Variants in DNAH9 observed in about 807,000 individuals in gnomAD.
The protein encoded by DNAH9 is DNAH9 variant protein.
DNAH9 carries 345 observed loss-of-function variants against 471.6 expected under a neutral mutation model. The observed-to-expected ratio is 0.73, with a 90% CI of 0.67 to 0.80. The LOEUF (loss-of-function observed/expected upper bound fraction) is 0.80. Ranked by LOEUF, DNAH9 falls within the 30% of genes least tolerant of loss-of-function variation. DNAH9 has a pLI of 0.00. For missense variants in DNAH9, 5,407 were observed against 5,609.2 expected (o/e 0.96, Z 1.15); for synonymous variants, 2,093 against 2,123.6 (o/e 0.99, Z 0.40).
chr17:11,635,120 A>G (rs1041344988), intron 8 of DNAH9, among the ~76,000 whole-genome samples: 1 of 152,096 alleles, frequency 6.6e-6, no homozygotes, highest in Non-Finnish European at 1.5e-5. Context: ...GACTATGGGT[A>G]CATGTGTTTT....
At chr17:11,919,824 G>A (rs907428922) in intron 61 of DNAH9, among the ~76,000 whole-genome samples, 4 of 152,050 alleles carry the variant, frequency 2.6e-5, no homozygotes, top group Non-Finnish European at 4.4e-5. Flanking sequence ...AGAAAAAAAC[G>A]AAGGGACCAA....
intron 29 of DNAH9, among the ~76,000 whole-genome samples, chr17:11,741,393 A>C (rs1460489425): frequency 2.0e-5 from 3 of 152,198 alleles, no homozygotes; most frequent in Non-Finnish European, 4.4e-5. Flanking sequence ...AGGTTGGTGC[A>C]AACATAATTG....
At chr17:11,871,347 C>T (rs1486103604) in intron 51 of DNAH9, among the ~76,000 whole-genome samples, 2 of 152,222 alleles carry the variant, frequency 1.3e-5, no homozygotes, top group Non-Finnish European at 2.9e-5. Context: ...AGTCTCCACA[C>T]ACAGAAAGAG....
intron 20 of DNAH9, among the ~76,000 whole-genome samples, chr17:11,690,716 TA>T (rs57232628): frequency 0.013 from 2,007 of 151,122 alleles, 40 homozygotes; most frequent in African/African-American, 0.046. Flanking sequence ...TAAGAAAGAT[TA>T]AAAAAAAATA....
At chr17:11,808,631 T>C (rs1332533324) in intron 44 of DNAH9, among the ~76,000 whole-genome samples, 4 of 152,158 alleles carry the variant, frequency 2.6e-5, no homozygotes, top group African/African-American at 4.8e-5. Flanking sequence ...AGGTCATACA[T>C]CAAGTTCGTA....
rs1322514633 is a variant in DNAH9 at position 11,775,870 on chromosome 17, G to A, written c.7553-5139G>A. Among the ~76,000 whole-genome samples, 4 of 152,100 alleles carry A rather than the reference G, an allele frequency of 2.6e-5. No individual in the cohort carries two copies. In the South Asian group the frequency reaches 8.3e-4, roughly 32 times the overall value. On this transcript the variant is annotated intron_variant, in intron 38 of 68. Transcript: ENST00000262442. ...GGCTCCCAAAGTGCTGGGATTATAG[G>A]CGTGAGCCACCGCGCCGGGCCAATC...
intron 67 of DNAH9, among the ~76,000 whole-genome samples, chr17:11,960,244 T>A (rs991757291): frequency 6.6e-6 from 1 of 151,876 alleles, no homozygotes; most frequent in African/African-American, 2.4e-5. Flanking sequence ...GAGACCAGCA[T>A]GGCCAACATG....
At chr17:11,837,984 A>T (rs553985114) in intron 49 of DNAH9, among the ~76,000 whole-genome samples, 1 of 152,230 alleles carries the variant, frequency 6.6e-6, no homozygotes, top group African/African-American at 2.4e-5. Flanking sequence ...CCTCATCAGG[A>T]AGCAAATAAT....
intron 52 of DNAH9, chr17:11,873,521 T>G (rs1972359140): frequency 6.6e-6 from 1 of 152,144 alleles, no homozygotes; most frequent in African/African-American, 2.4e-5. Context: ...TGGGAGATGG[T>G]TTGGAGAGGT....
rs1347547630 is a variant in DNAH9, at chr17:11,894,285, G to A, written c.11284-89G>A. On this transcript the variant is annotated intron_variant, in intron 58 of 68. Transcript: ENST00000262442. ...GATGGGCAAACTAGTATTAGAGGCAGTAATAATTATACTGAGTGACAACCC... is the reference window on the plus strand; with the variant it reads ...GATGGGCAAACTAGTATTAGAGGCAATAATAATTATACTGAGTGACAACCC... The A allele has an allele frequency of 2.3e-5, 35 of 1,539,372 alleles. No individual in the cohort carries two copies. In the Admixed American group the frequency reaches 5.0e-4, roughly 22 times the overall value.
At chr17:11,680,200 T>C (rs2074110734) in intron 18 of DNAH9, among the ~76,000 whole-genome samples, 1 of 151,270 alleles carries the variant, frequency 6.6e-6, no homozygotes, top group Non-Finnish European at 1.5e-5. Context: ...AGAATTAAGA[T>C]GGATAATTTT....
chr17:11,899,997 C>A (rs1973352676), intron 59 of DNAH9, among the ~76,000 whole-genome samples: 1 of 152,072 alleles, frequency 6.6e-6, no homozygotes, highest in African/African-American at 2.4e-5. Flanking sequence ...CATAGGAGCC[C>A]CCCAGGAAGG....
Position 11,608,203 on chromosome 17 carries a change from G to C in DNAH9, c.492G>C (p.Arg164=). ...ACATGATATGTGAGGATGTCAGGCG[G>C]CACGCCCACAGCCTCCAATGTGACC... is the stretch of plus-strand genomic sequence containing the variant. The part of the protein sequence containing the change: ...WPHMICEDVR[R]HAHSLQCDLS... The change falls in exon 2 of 69, where the codon CGG becomes CGC. Residue 164 remains arginine, a synonymous_variant. Coordinates refer to ENST00000262442, the MANE Select transcript of DNAH9 (RefSeq NM_001372.4). 1 of 1,613,884 alleles carries C rather than the reference G, an allele frequency of 6.2e-7. No individual in the cohort carries two copies. Among genetic ancestry groups the C allele is most frequent in the Non-Finnish European group, 8.5e-7 (1 of 1,179,818 alleles).
intron 6 of DNAH9, chr17:11,620,012 A>C: frequency 1.9e-6 from 1 of 521,974 alleles, no homozygotes; most frequent in Non-Finnish European, 3.4e-6. Context: ...GGAGTTTAAA[A>C]CCAGCCGGGC....
In DNAH9 at chr17:11,689,640, C is replaced by T; in HGVS notation, c.3818C>T (p.Ala1273Val). 4 of 1,613,690 alleles carry T rather than the reference C, an allele frequency of 2.5e-6. No individual in the cohort carries two copies. The highest frequency in any genetic ancestry group is 1.7e-4 in the Middle Eastern group (1 of 6,060). ...IEIQQMESTM[A>V]SISESASLFE... ...ATCCAGCAGATGGAATCCACTATGG[C>T]CTCCATTTCTGAGTCTGCCAGCTTA... is the stretch of plus-strand genomic sequence containing the variant. Residue 1273 changes from alanine to valine, a missense_variant, in exon 20 of 69, where the codon GCC becomes GTC. Ala to Val is a moderately conservative substitution (Grantham distance 64). This residue lies in a region of DNAH9 where 4,636 missense variants were observed against 4,900.3 expected (regional missense o/e 0.95). Transcript: ENST00000262442.
intron 28 of DNAH9, among the ~76,000 whole-genome samples, chr17:11,736,919 A>C (rs746075484): frequency 3.3e-5 from 5 of 152,112 alleles, no homozygotes; most frequent in Non-Finnish European, 4.4e-5. Flanking sequence ...TTGCTTTCCC[A>C]CTCCCTAATA....
chr17:11,731,647 G>A (rs570115082), intron 28 of DNAH9, among the ~76,000 whole-genome samples: 5 of 149,358 alleles, frequency 3.3e-5, no homozygotes, highest in African/African-American at 9.9e-5. Flanking sequence ...AGAACATGCG[G>A]TGTTTGGTTT....
At chr17:11,862,549 C>G (rs1413742391) in intron 50 of DNAH9, among the ~76,000 whole-genome samples, 1 of 149,162 alleles carries the variant, frequency 6.7e-6, no homozygotes, top group Non-Finnish European at 1.5e-5. Flanking sequence ...TTTTCCAATT[C>G]TGTGAAGAAA....
intron 19 of DNAH9, among the ~76,000 whole-genome samples, chr17:11,686,926 A>G (rs1216675307): frequency 6.6e-6 from 1 of 152,216 alleles, no homozygotes; most frequent in East Asian, 1.9e-4. Context: ...TTCAGTTCAC[A>G]TTCTAAGTTC....
Sources: gnomAD v4.1 joint callset for allele counts (sites outside exome capture counted in the v4.1 genomes callset) on GRCh38, gnomAD v4.1.1 for gene constraint, gnomAD v4.1.1 regional missense constraint, MANE v1.5 for transcripts, NCBI Gene and HGNC (gene_info 2026-07-23, HGNC 2026-07-21) for gene names.